Variants in KIF21B observed in about 807,000 individuals in gnomAD.
The protein encoded by KIF21B is kinesin family member 21B, also known as kinesin-like protein KIF21B.
KIF21B carries 85 observed loss-of-function variants against 192.9 expected under a neutral mutation model. That is an observed-to-expected ratio of 0.44 (90% CI 0.37 to 0.53). The LOEUF (loss-of-function observed/expected upper bound fraction) is 0.53. Ranked by LOEUF, KIF21B falls within the 20% of genes least tolerant of loss-of-function variation. KIF21B has a pLI of 0.00. For synonymous variants in KIF21B, 832 were observed against 884.6 expected (o/e 0.94, Z 1.05); for missense variants, 1,716 against 2,194.8 (o/e 0.78, Z 4.36).
intron 30 of KIF21B, 23 bp downstream of exon 30, chr1:200,979,512 T>C (rs1405897253): frequency 1.3e-6 from 2 of 1,505,606 alleles, no homozygotes; most frequent in Non-Finnish European, 1.8e-6. Context: ...CCGACCACTG[T>C]GAGGCAGGCG....
At position 201,023,567 on chromosome 1, in the gene KIF21B, C is replaced by G. The variant is rs1270456406; in HGVS notation, c.-184G>C. The G allele has an allele frequency of 6.0e-6, 1 of 166,904 alleles. No individual in the cohort carries two copies. Among genetic ancestry groups the G allele is most frequent in the East Asian group, 1.9e-4 (1 of 5,346 alleles). The allele number at this position is 166,904 out of a possible 1,614,324, so 10.3% of individuals were successfully genotyped here. A position where few individuals can be genotyped will look rare whatever the true frequency, so the allele number is the denominator to read the frequency against. On this transcript the variant is annotated 5_prime_UTR_variant, in exon 1 of 35. Coordinates refer to ENST00000461742, the MANE Select transcript of KIF21B (RefSeq NM_001252102.2). The surrounding 1 kb of genome is among the most constrained non-coding windows in gnomAD (Gnocchi z 5.9). ...CGAGGGGCTCACCCGCGGCCGGCCCCCCGGGGCTGGGCCCGCGCGCCTCCT... is the reference window on the plus strand; with the variant it reads ...CGAGGGGCTCACCCGCGGCCGGCCCGCCGGGGCTGGGCCCGCGCGCCTCCT...
chr1:201,007,327 G>GAC (rs1247853163), intron 3 of KIF21B, among the ~76,000 whole-genome samples: 1 of 50,342 alleles, frequency 2.0e-5, no homozygotes, highest in African/African-American at 1.2e-4. Flanking sequence ...GAGACACACA[G>GAC]ACACACACAC....
rs141939296 is a variant in KIF21B, at chr1:201,017,533, T to G, written c.41+5810A>C. Among the ~76,000 whole-genome samples, 1 of 152,358 alleles carries G rather than the reference T, an allele frequency of 6.6e-6. No individual in the cohort carries two copies. The highest frequency in any genetic ancestry group is 1.9e-4 in the East Asian group (1 of 5,182). Reference sequence around the variant, plus strand: ...GACAGGAGACGCTGCAGAGTCAGGCTTCGCCCAGAGCCCAGAGCTGTGACG... The same window carrying G: ...GACAGGAGACGCTGCAGAGTCAGGCGTCGCCCAGAGCCCAGAGCTGTGACG... On this transcript the variant is annotated intron_variant, in intron 1 of 34. Coordinates refer to ENST00000461742, the MANE Select transcript of KIF21B (RefSeq NM_001252102.2). The surrounding 1 kb of genome is among the most constrained non-coding windows in gnomAD (Gnocchi z 4.1).
intron 1 of KIF21B, among the ~76,000 whole-genome samples, chr1:201,013,932 C>T (rs1286689464): frequency 6.6e-6 from 1 of 152,216 alleles, no homozygotes; most frequent in African/African-American, 2.4e-5. Context: ...CCAGGCCCCA[C>T]CCCTCCAATC....
At chr1:201,004,308 T>C (rs1354733376) in intron 7 of KIF21B, 32 bp downstream of exon 7, 3 of 1,517,682 alleles carry the variant, frequency 2.0e-6, no homozygotes, top group Non-Finnish European at 2.7e-6. Flanking sequence ...CTGCCTCCCC[T>C]GTCCCTTCCC....
At position 201,009,467 on chromosome 1, in the gene KIF21B, C is replaced by T. The variant is rs1462263478; in HGVS notation, c.63G>A (p.Lys21=). Residue 21 remains lysine (K), a synonymous_variant, in exon 2 of 35, where the codon AAG becomes AAA. Coordinates refer to ENST00000461742, the MANE Select transcript of KIF21B (RefSeq NM_001252102.2). ...AGATGTGACAGCCCTCAATCTTCTC[C>T]TTCGACAGCTGGGGCCGGATCCTGC... ...VAVRIRPQLS[K]EKIEGCHICT... is the part of the protein sequence containing the mutation. The T allele has an allele frequency of 1.2e-6, 2 of 1,614,154 alleles. No individual in the cohort carries two copies. The highest frequency in any genetic ancestry group is 4.5e-5 in the East Asian group (2 of 44,886).
At position 201,005,588 on chromosome 1, in the gene KIF21B, T is replaced by C; in HGVS notation, c.554A>G (p.Tyr185Cys). The change falls in exon 4 of 35, where the codon TAC becomes TGC. Residue 185 changes from tyrosine (Y) to cysteine (C), a missense_variant. Transcript: ENST00000461742. The part of the protein sequence containing the change: ...KIHEDANGGI[Y>C]TTGVTSRLIH... ...GAGGCGAGAAGTGACGCCAGTGGTG[T>C]AGATGCCACCGTTTGCGTCCTCGTG... is the stretch of plus-strand genomic sequence containing the variant. 1.2e-6 allele frequency: 2 copies of C among 1,614,184 alleles called. No individual in the cohort carries two copies. The highest frequency in any genetic ancestry group is 1.7e-6 in the Non-Finnish European group (2 of 1,180,018).
At chr1:200,988,598 G>T in intron 22 of KIF21B, 54 bp from the exon 23 acceptor site, 1 of 1,495,620 alleles carries the variant, frequency 6.7e-7, no homozygotes. Context: ...TCCAAGTGTC[G>T]GGGGAGGGAT....
At position 201,009,300 on chromosome 1, in the gene KIF21B, T is replaced by C; in HGVS notation, c.230A>G (p.Glu77Gly). 1.2e-6 allele frequency: 2 copies of C among 1,614,260 alleles called. No individual in the cohort carries two copies. The highest frequency in any genetic ancestry group is 1.7e-6 in the Non-Finnish European group (2 of 1,180,042). ...CVSKLIEGCF[E>G]GYNATVLAYG... ...GGCCAGCACCGTGGCATTATAGCCC[T>C]CGAAGCAGCCCTCGATGAGCTTGCT... The change falls in exon 2 of 35, where the codon GAG becomes GGG. Residue 77 changes from glutamate (E) to glycine (G), a missense_variant. Coordinates refer to ENST00000461742, the MANE Select transcript of KIF21B (RefSeq NM_001252102.2).
At position 200,974,737 on chromosome 1, in the gene KIF21B, G is replaced by T. The variant is rs1655430883; in HGVS notation, c.4791C>A (p.Ala1597=). Residue 1597 remains alanine (A), a synonymous_variant, in exon 34 of 35, where the codon GCC becomes GCA. Transcript: ENST00000461742. ...DSPINAICTN[A]KHIFTASSDL... is the part of the protein sequence containing the mutation. ...ACCTGGAGGCTGTGAAGATATGCTT[G>T]GCATTGGTGCAGATGGCATTGATGG... 6.2e-7 allele frequency: 1 copy of T among 1,614,088 alleles called. No homozygotes were observed. The highest frequency in any genetic ancestry group is 8.5e-7 in the Non-Finnish European group (1 of 1,180,024).
At chr1:201,013,730 C>A (rs1658354643) in intron 1 of KIF21B, among the ~76,000 whole-genome samples, 1 of 152,194 alleles carries the variant, frequency 6.6e-6, no homozygotes, top group Non-Finnish European at 1.5e-5. Context: ...GAGGCATTGA[C>A]CCTCAGTACA....
intron 31 of KIF21B, 95 bp downstream of exon 31, chr1:200,977,117 T>A: frequency 1.4e-6 from 2 of 1,431,290 alleles, no homozygotes; most frequent in Non-Finnish European, 1.9e-6. Flanking sequence ...GTTGCTGAGG[T>A]CCTACCCACC....
chr1:200,983,135 G>A, intron 27 of KIF21B, 41 bp from the exon 28 acceptor site: 1 of 1,516,194 alleles, frequency 6.6e-7, no homozygotes, highest in Non-Finnish European at 8.9e-7. Flanking sequence ...GGGGTGAGAG[G>A]AGACACACAC....
At chr1:200,983,189 G>A in intron 27 of KIF21B, 95 bp from the exon 28 acceptor site, 1 of 1,061,798 alleles carries the variant, frequency 9.4e-7, no homozygotes, top group South Asian at 1.3e-5. Context: ...TGGTCAGAGG[G>A]CAGGTTATTC....
At position 200,998,613 on chromosome 1, in the gene KIF21B, C is replaced by T. The variant is rs762901618; in HGVS notation, c.1886-38G>A. 1.0e-5 allele frequency: 16 copies of T among 1,590,424 alleles called. No individual in the cohort carries two copies. The Admixed American group carries it at 1.3e-4, about 13-fold the overall frequency. ...AATCAGGCTCAGCCCAGCGTTAGGGCGAGGGGCAAATTGGGGAGCAGATGT... is the reference window on the plus strand; with the variant it reads ...AATCAGGCTCAGCCCAGCGTTAGGGTGAGGGGCAAATTGGGGAGCAGATGT... On this transcript the variant is annotated intron_variant, in intron 13 of 34. Transcript: ENST00000461742. This position sits in a 1 kb window ranked among gnomAD's most constrained non-coding sequence, Gnocchi z 4.3.
rs952229402 is a variant in KIF21B at position 200,972,013 on chromosome 1, C to G, written c.*1508G>C. 8.2e-5 allele frequency: 10 copies of G among 122,356 alleles called. No individual in the cohort carries two copies. Among genetic ancestry groups the G allele is most frequent in the African/African-American group, 2.8e-4 (9 of 31,826 alleles). The allele number at this position is 122,356 out of a possible 1,614,324, so 7.6% of individuals were successfully genotyped here. A position where few individuals can be genotyped will look rare whatever the true frequency, so the allele number is the denominator to read the frequency against. Reference sequence around the variant, plus strand: ...GGCTCCCAGACTGAAGCGGGAAGCACAAGACCAGCGATGCAACGGAAAAAC... The same window carrying G: ...GGCTCCCAGACTGAAGCGGGAAGCAGAAGACCAGCGATGCAACGGAAAAAC... On this transcript the variant is annotated 3_prime_UTR_variant, in exon 35 of 35. Transcript: ENST00000461742.
intron 24 of KIF21B, 90 bp downstream of exon 24, chr1:200,988,206 G>C: frequency 7.9e-7 from 1 of 1,263,606 alleles, no homozygotes; most frequent in Non-Finnish European, 1.2e-6. Flanking sequence ...TGTTGTGGCT[G>C]AGGGTGGAGC....
intron 2 of KIF21B, 151 bp from the exon 3 acceptor site, chr1:201,009,102 A>G (rs1268229527): frequency 8.6e-7 from 1 of 1,167,376 alleles, no homozygotes. Flanking sequence ...TGGGGAAATC[A>G]CTGACAGCCC....
In KIF21B at chr1:200,982,994, G is replaced by A; in HGVS notation, c.3842+62C>T. 2.1e-6 allele frequency: 3 copies of A among 1,450,398 alleles called. No homozygotes were observed. Among genetic ancestry groups the A allele is most frequent in the South Asian group, 1.2e-5 (1 of 82,418 alleles). 89.8% of individuals were successfully genotyped at this position (1,450,398 alleles called of 1,614,324 possible). A position where few individuals can be genotyped will look rare whatever the true frequency, so the allele number is the denominator to read the frequency against. ...GGCGGGAGGGATGCAGCAAGAGACA[G>A]AGAAGAGAGGGTGCCGAGAGTGAGA... On this transcript the variant is annotated intron_variant, in intron 28 of 34. Coordinates refer to ENST00000461742, the MANE Select transcript of KIF21B (RefSeq NM_001252102.2). The surrounding 1 kb of genome is among the most constrained non-coding windows in gnomAD (Gnocchi z 4.7).
Sources: allele counts gnomAD v4.1 joint callset (sites outside exome capture counted in the v4.1 genomes callset), GRCh38; gene constraint gnomAD v4.1.1; non-coding constraint Gnocchi (gnomAD v3.1); transcripts MANE v1.5; gene names NCBI Gene and HGNC (gene_info 2026-07-23, HGNC 2026-07-21).